MBD5: variants seen among roughly 807,000 people sequenced by gnomAD.
MBD5 encodes the protein methyl-CpG-binding domain protein 5.
Under a neutral mutation model 117.3 loss-of-function variants are expected in MBD5, and 13 were observed. That is an observed-to-expected ratio of 0.11 (90% CI 0.07 to 0.18). The LOEUF is 0.18. Ranked by LOEUF, MBD5 falls within the 10% of genes least tolerant of loss-of-function variation. MBD5 has a pLI of 1.00. For missense variants in MBD5, 1,879 were observed against 2,093.8 expected, an observed-to-expected ratio of 0.90 and a Z score of 2.00; for synonymous variants, 727 against 766.4, an observed-to-expected ratio of 0.95 and a Z score of 0.85.
intron 1 of MBD5, among the ~76,000 whole-genome samples, chr2:148,036,415 C>T (rs957690265): frequency 1.3e-5 from 2 of 152,112 alleles, no homozygotes; most frequent in African/African-American, 4.8e-5. Flanking sequence ...ATATGTTCTT[C>T]TGTTGTTTAA....
intron 3 of MBD5, among the ~76,000 whole-genome samples, chr2:148,275,491 G>A (rs1701086547): frequency 6.6e-6 from 1 of 152,200 alleles, no homozygotes; most frequent in Non-Finnish European, 1.5e-5. Context: ...GGAAATTTCT[G>A]CAGGAGGGAA....
intron 4 of MBD5, among the ~76,000 whole-genome samples, chr2:148,401,730 G>A (rs978652697): frequency 6.6e-6 from 1 of 152,132 alleles, no homozygotes; most frequent in Non-Finnish European, 1.5e-5. Context: ...CATTGGTACA[G>A]TATTGTTAGC....
chr2:148,431,105 G>T (rs1705970627), intron 4 of MBD5, among the ~76,000 whole-genome samples: 1 of 152,034 alleles, frequency 6.6e-6, no homozygotes, highest in Non-Finnish European at 1.5e-5. Flanking sequence ...GGTGATCTGA[G>T]TACAGAATTA....
chr2:148,170,035 C>G (rs1698226623), intron 1 of MBD5, among the ~76,000 whole-genome samples: 1 of 151,970 alleles, frequency 6.6e-6, no homozygotes, highest in South Asian at 2.1e-4. Context: ...GTAGCTGGGA[C>G]TACAGGCGCC....
intron 1 of MBD5, among the ~76,000 whole-genome samples, chr2:148,022,399 T>C (rs1693777515): frequency 6.6e-6 from 1 of 152,192 alleles, no homozygotes; most frequent in Non-Finnish European, 1.5e-5. Context: ...AGCTCTAAAA[T>C]GCTTAAAGTT....
chr2:148,045,974 CTTTTTTTTT>C (rs59672002), intron 1 of MBD5, among the ~76,000 whole-genome samples: 4 of 77,450 alleles, frequency 5.2e-5, no homozygotes, highest in African/African-American at 2.1e-4. Flanking sequence ...AATGAAGTGC[CTTTTTTTTT>C]TTTTTTTTTT....
At chr2:148,431,204 T>C (rs1390155333) in intron 4 of MBD5, among the ~76,000 whole-genome samples, 1 of 152,150 alleles carries the variant, frequency 6.6e-6, no homozygotes, top group African/African-American at 2.4e-5. Context: ...GTTAAAACTT[T>C]TCTTTCAACT....
At chr2:148,484,225 A>G in intron 9 of MBD5, 90 bp downstream of exon 9, 2 of 1,146,500 alleles carry the variant, frequency 1.7e-6, no homozygotes, top group Admixed American at 3.2e-5. Flanking sequence ...TTGTCACACT[A>G]TTTTTAAAAA....
intron 1 of MBD5, among the ~76,000 whole-genome samples, chr2:148,034,130 G>A: frequency 6.6e-6 from 1 of 152,100 alleles, no homozygotes; most frequent in East Asian, 1.9e-4. Context: ...GCGAGGTCAA[G>A]GCTGCAGGGA....
At chr2:148,131,276 T>C (rs1697040881) in intron 1 of MBD5, among the ~76,000 whole-genome samples, 1 of 152,222 alleles carries the variant, frequency 6.6e-6, no homozygotes, top group Admixed American at 6.5e-5. Flanking sequence ...ATCTTTATTT[T>C]ATTGTTACCT....
At chr2:148,248,359 C>T (rs1185736052) in intron 3 of MBD5, among the ~76,000 whole-genome samples, 1 of 152,090 alleles carries the variant, frequency 6.6e-6, no homozygotes, top group Non-Finnish European at 1.5e-5. Flanking sequence ...GTTCACACTA[C>T]ATAAGTGATA....
chr2:148,150,324 T>G (rs1181053875), intron 1 of MBD5, among the ~76,000 whole-genome samples: 1 of 151,164 alleles, frequency 6.6e-6, no homozygotes, highest in East Asian at 1.9e-4. Flanking sequence ...ACCAGTACCA[T>G]GCTGTTTTGG....
At chr2:148,435,161 A>G (rs548109982) in intron 4 of MBD5, among the ~76,000 whole-genome samples, 4 of 152,134 alleles carry the variant, frequency 2.6e-5, no homozygotes, top group Admixed American at 6.6e-5. Context: ...GTATCACTGC[A>G]TGTGAGATGG....
chr2:148,427,038 A>G (rs1370285407), intron 4 of MBD5, among the ~76,000 whole-genome samples: 4 of 152,238 alleles, frequency 2.6e-5, no homozygotes, highest in Admixed American at 1.3e-4. Flanking sequence ...GCAGCCAAAA[A>G]ACACATGAAA....
intron 4 of MBD5, among the ~76,000 whole-genome samples, chr2:148,401,848 T>C (rs1704933101): frequency 6.6e-6 from 1 of 152,138 alleles, no homozygotes. Context: ...CTCCATCATC[T>C]CCTCCAATCT....
At chr2:148,125,555 C>T (rs1236978535) in intron 1 of MBD5, among the ~76,000 whole-genome samples, 4 of 152,108 alleles carry the variant, frequency 2.6e-5, no homozygotes, top group African/African-American at 9.7e-5. Context: ...ATGATATTCC[C>T]TCTGCTGGAA....
intron 1 of MBD5, among the ~76,000 whole-genome samples, chr2:148,078,582 A>G (rs962824292): frequency 3.3e-5 from 5 of 152,224 alleles, no homozygotes; most frequent in Admixed American, 2.6e-4. Context: ...CATAAAATGA[A>G]CTGCTCGACC....
At chr2:148,341,878 A>C (rs1387591843) in intron 3 of MBD5, among the ~76,000 whole-genome samples, 1 of 146,624 alleles carries the variant, frequency 6.8e-6, no homozygotes, top group African/African-American at 2.5e-5. Context: ...GAGAGAATTA[A>C]ATGAGATATA....
chr2:148,268,708 A>T (rs1048695535), intron 3 of MBD5, among the ~76,000 whole-genome samples: 13 of 151,614 alleles, frequency 8.6e-5, no homozygotes, highest in Admixed American at 3.3e-4. Flanking sequence ...TGGACATTAT[A>T]AAAAAACTTG....
Sources: gnomAD v4.1 joint callset for allele counts (sites outside exome capture counted in the v4.1 genomes callset) on GRCh38, gnomAD v4.1.1 for gene constraint, MANE v1.5 for transcripts, NCBI Gene and HGNC (gene_info 2026-07-23, HGNC 2026-07-21) for gene names.